ASGR1: variants seen among roughly 807,000 people sequenced by gnomAD.
ASGR1 encodes asialoglycoprotein receptor 1.
ASGR1 carries 35 observed loss-of-function variants against 33.1 expected under a neutral mutation model. The ratio of observed to expected loss-of-function variants is 1.06; its 90% CI spans 0.81 to 1.40. The LOEUF is 1.40. Ranked by LOEUF, ASGR1 falls within the 40% of genes most tolerant of loss-of-function variation. The pLI is 0.00. For synonymous variants in ASGR1, 142 were observed against 152.5 expected, an observed-to-expected ratio of 0.93 and a Z score of 0.51; for missense variants, 396 against 373.7, an observed-to-expected ratio of 1.06 and a Z score of -0.49.
chr17:7,176,943 C>A, intron 4 of ASGR1, 38 bp downstream of exon 4: 1 of 1,580,206 alleles, frequency 6.3e-7, no homozygotes. Flanking sequence ...AGCCCCCCAG[C>A]CCCAGCCCCA....
chr17:7,173,636 G>A lies in ASGR1; in HGVS notation c.*23C>T, dbSNP rs145071266. 1 of 1,611,538 alleles carries A rather than the reference G, an allele frequency of 6.2e-7. No homozygotes were observed. The highest frequency in any genetic ancestry group is 1.1e-5 in the South Asian group (1 of 91,020). On this transcript the variant is annotated 3_prime_UTR_variant, in exon 9 of 9. Coordinates refer to ENST00000269299, the MANE Select transcript of ASGR1 (RefSeq NM_001671.5). The surrounding 1 kb of genome is among the most constrained non-coding windows in gnomAD (Gnocchi z 4.7). ...TTCCCAATCCCGGACCCCTGCGGCA[G>A]GTCGAGGCATTGAAGAAATAAATTA...
chr17:7,178,739 T>A, intron 1 of ASGR1, 151 bp from the exon 2 acceptor site: 1 of 93,032 alleles, frequency 1.1e-5, no homozygotes, highest in Non-Finnish European at 1.8e-5. Flanking sequence ...TTTTCTTTTC[T>A]TTTTTTTTTT....
chr17:7,174,112 G>A (rs2069165713), intron 7 of ASGR1, 26 bp downstream of exon 7: 2 of 1,613,974 alleles, frequency 1.2e-6, no homozygotes, highest in African/African-American at 2.7e-5. Flanking sequence ...AGGCCAGCCA[G>A]CCTCCCAGAC....
chr17:7,174,391 G>A lies in ASGR1; in HGVS notation c.425C>T (p.Ala142Val), dbSNP rs1397810594. The stretch of plus-strand genomic sequence containing the variant: ...CTCCTTACCATTGCCCTGGAGCGCC[G>A]CCATCTGACAGCTCAGGCTCCGCAG... ...SDLRSLSCQM[A>V]ALQGNGSERT... Residue 142 changes from alanine to valine, a missense_variant, in exon 6 of 9, where the codon GCG becomes GTG. Physicochemically the swap from Ala to Val is moderately conservative, Grantham distance 64. Coordinates refer to ENST00000269299, the MANE Select transcript of ASGR1 (RefSeq NM_001671.5). The A allele has an allele frequency of 2.5e-6, 4 of 1,613,908 alleles. No homozygotes were observed. The highest frequency in any genetic ancestry group is 3.4e-6 in the Non-Finnish European group (4 of 1,179,930).
At position 7,174,123 on chromosome 17, in the gene ASGR1, C is replaced by G. The variant is rs560189186; in HGVS notation, c.594+15G>C. On this transcript the variant is annotated intron_variant, in intron 7 of 8. Transcript: ENST00000269299. ...TCCGAGGCCAGCCAGCCTCCCAGAC[C>G]CTCCGGGTCCTCACCTGCTCCTCCC... The G allele has an allele frequency of 3.1e-6, 5 of 1,614,038 alleles. No homozygotes were observed. The highest frequency in any genetic ancestry group is 4.2e-6 in the Non-Finnish European group (5 of 1,179,900).
At chr17:7,177,615 C>T (rs368775920) in intron 2 of ASGR1, 54 of 340,470 alleles carry the variant, frequency 1.6e-4, no homozygotes, top group African/African-American at 1.1e-3. Flanking sequence ...ATCCAGGAAC[C>T]TCAGTCCACC....
chr17:7,173,924 G>A lies in ASGR1; in HGVS notation c.701+37C>T. On this transcript the variant is annotated intron_variant, in intron 8 of 8. Coordinates refer to ENST00000269299, the MANE Select transcript of ASGR1 (RefSeq NM_001671.5). The surrounding 1 kb of genome is among the most constrained non-coding windows in gnomAD (Gnocchi z 4.7). Reference sequence around the variant, plus strand: ...CAGCCCAGGGCCCCAGGGCGCGAAGGCGGCCGGACCCAGGCCGAGGGAGGG... The same window carrying A: ...CAGCCCAGGGCCCCAGGGCGCGAAGACGGCCGGACCCAGGCCGAGGGAGGG... 3.7e-6 allele frequency: 6 copies of A among 1,612,904 alleles called. No homozygotes were observed. The highest frequency in any genetic ancestry group is 5.1e-6 in the Non-Finnish European group (6 of 1,179,550).
At chr17:7,176,220 AACACACACACACTCACAG>A (rs1251743747) in intron 5 of ASGR1, among the ~76,000 whole-genome samples, 3 of 105,580 alleles carry the variant, frequency 2.8e-5, no homozygotes, top group Non-Finnish European at 6.0e-5. Context: ...CACACTCACA[AACACACACACACTCACAG>A]ACACACACAC....
chr17:7,173,585 G>C lies in ASGR1; in HGVS notation c.*74C>G. On this transcript the variant is annotated 3_prime_UTR_variant, in exon 9 of 9. Coordinates refer to ENST00000269299, the MANE Select transcript of ASGR1 (RefSeq NM_001671.5). The surrounding 1 kb of genome is among the most constrained non-coding windows in gnomAD (Gnocchi z 4.7). ...ATCCTAGATGAAAATTCCCGAGAAAGCAGAAGAGGCCCCCAGATGGGCGGA... is the reference window on the plus strand; with the variant it reads ...ATCCTAGATGAAAATTCCCGAGAAACCAGAAGAGGCCCCCAGATGGGCGGA... 6.3e-7 allele frequency: 1 copy of C among 1,585,356 alleles called. No homozygotes were observed. The highest frequency in any genetic ancestry group is 1.1e-5 in the South Asian group (1 of 89,664).
chr17:7,174,854 C>A (rs568375205), intron 5 of ASGR1, among the ~76,000 whole-genome samples: 7 of 149,292 alleles, frequency 4.7e-5, no homozygotes, highest in South Asian at 4.3e-4. Context: ...CATACATCCA[C>A]AACACACACA....
rs1254067877 is a variant in ASGR1, at chr17:7,176,453, CCT to C, written c.355+375_355+376del. On this transcript the variant is annotated intron_variant, in intron 5 of 8. Transcript: ENST00000269299. ...CATTCTCACACTCTCACACACACTC[CCT>C]CTCATTCCCACAGACTGTCTCACAC... 1.1e-4 allele frequency among the ~76,000 whole-genome samples: 17 copies of C among 149,680 alleles called. 1 individual carries two copies. Among genetic ancestry groups the C allele is most frequent in the Middle Eastern group, 3.6e-3 (1 of 278 alleles).
At chr17:7,175,720 AAC>A (rs754404927) in intron 5 of ASGR1, among the ~76,000 whole-genome samples, 24 of 134,474 alleles carry the variant, frequency 1.8e-4, no homozygotes, top group African/African-American at 5.1e-4. Flanking sequence ...CACACACATA[AAC>A]ACACAGACTC....
intron 5 of ASGR1, among the ~76,000 whole-genome samples, 170 bp from the exon 6 acceptor site, chr17:7,174,630 C>CAG (rs1284365810): frequency 6.6e-6 from 1 of 151,022 alleles, no homozygotes; most frequent in African/African-American, 2.4e-5. Context: ...CACACACACA[C>CAG]TCCTACACAC....
chr17:7,178,131 C>A, intron 2 of ASGR1: 4 of 309,432 alleles, frequency 1.3e-5, no homozygotes, highest in South Asian at 4.6e-5. Flanking sequence ...CACGCACACG[C>A]TCGCACGACC....
At chr17:7,177,579 A>C (rs775213029) in intron 2 of ASGR1, 8 of 434,428 alleles carry the variant, frequency 1.8e-5, no homozygotes, top group Non-Finnish European at 3.3e-5. Context: ...CTGACACCTA[A>C]TGGCATGACT....
At chr17:7,174,677 C>A (rs990690585) in intron 5 of ASGR1, among the ~76,000 whole-genome samples, 1 of 145,556 alleles carries the variant, frequency 6.9e-6, no homozygotes, top group South Asian at 2.2e-4. Context: ...CACAGACACA[C>A]AACACATCCT....
chr17:7,173,536 C>T lies in ASGR1; in HGVS notation c.*123G>A. 1 of 1,351,670 alleles carries T rather than the reference C, an allele frequency of 7.4e-7. No individual in the cohort carries two copies. The highest frequency in any genetic ancestry group is 1.0e-6 in the Non-Finnish European group (1 of 989,454). The allele number at this position is 1,351,670 out of a possible 1,614,324, so 83.7% of individuals were successfully genotyped here. The stretch of plus-strand genomic sequence containing the variant: ...CAAGCTCCTCACCTTCGGAACATCA[C>T]CCTATCCTTCCCCTTCCCTTAAAAT... On this transcript the variant is annotated 3_prime_UTR_variant, in exon 9 of 9. Coordinates refer to ENST00000269299, the MANE Select transcript of ASGR1 (RefSeq NM_001671.5). This position sits in a 1 kb window ranked among gnomAD's most constrained non-coding sequence, Gnocchi z 4.7.
In ASGR1 at chr17:7,173,578, C is replaced by T; in HGVS notation, c.*81G>A. ...CCTTAAAATCCTAGATGAAAATTCCCGAGAAAGCAGAAGAGGCCCCCAGAT... is the reference window on the plus strand; with the variant it reads ...CCTTAAAATCCTAGATGAAAATTCCTGAGAAAGCAGAAGAGGCCCCCAGAT... On this transcript the variant is annotated 3_prime_UTR_variant, in exon 9 of 9. Coordinates refer to ENST00000269299, the MANE Select transcript of ASGR1 (RefSeq NM_001671.5). This position sits in a 1 kb window ranked among gnomAD's most constrained non-coding sequence, Gnocchi z 4.7. 5.7e-6 allele frequency: 9 copies of T among 1,569,880 alleles called. No homozygotes were observed. Among genetic ancestry groups the T allele is most frequent in the Non-Finnish European group, 7.8e-6 (9 of 1,154,452 alleles).
At position 7,173,464 on chromosome 17, in the gene ASGR1, A is replaced by AG; in HGVS notation, c.*194_*195insC. The AG allele has an allele frequency of 5.5e-6, 4 of 720,920 alleles. No individual in the cohort carries two copies. Among genetic ancestry groups the AG allele is most frequent in the Non-Finnish European group, 6.7e-6 (3 of 450,974 alleles). 44.7% of individuals were successfully genotyped at this position (720,920 alleles called of 1,614,324 possible). ...TATTTCTTTTTACTCTTAAAAAAAA[A>AG]AAGTTCACAATGATAACCTGCAAAC... On this transcript the variant is annotated 3_prime_UTR_variant, in exon 9 of 9. Coordinates refer to ENST00000269299, the MANE Select transcript of ASGR1 (RefSeq NM_001671.5). This position sits in a 1 kb window ranked among gnomAD's most constrained non-coding sequence, Gnocchi z 4.7.
Sources: allele counts gnomAD v4.1 joint callset (sites outside exome capture counted in the v4.1 genomes callset), GRCh38; gene constraint gnomAD v4.1.1; non-coding constraint Gnocchi (gnomAD v3.1); transcripts MANE v1.5; gene names NCBI Gene and HGNC (gene_info 2026-07-23, HGNC 2026-07-21).